MCPH1: variants seen among roughly 807,000 people sequenced by gnomAD.
The protein encoded by MCPH1 is microcephalin.
MCPH1 carries 104 observed loss-of-function variants against 84.5 expected under a neutral mutation model. The ratio of observed to expected loss-of-function variants is 1.23; its 90% CI spans 1.05 to 1.45. The LOEUF is 1.45. Among genes scored for constraint, MCPH1 ranks in the 40% most tolerant of loss-of-function variants. MCPH1 has a pLI of 0.00. For missense variants in MCPH1, 1,498 were observed against 1,005.7 expected (o/e 1.49, Z -6.62); for synonymous variants, 514 against 366.8 (o/e 1.40, Z -4.58).
intron 12 of MCPH1, among the ~76,000 whole-genome samples, chr8:6,582,154 A>G (rs116666249): frequency 0.011 from 1,698 of 152,302 alleles, 34 homozygotes; most frequent in African/African-American, 0.039. Flanking sequence ...AGGGGTCTCA[A>G]GCTGCCTTCA....
intron 3 of MCPH1, among the ~76,000 whole-genome samples, chr8:6,422,713 G>C (rs553927568): frequency 7.9e-5 from 12 of 152,172 alleles, no homozygotes; most frequent in Non-Finnish European, 1.5e-4. Flanking sequence ...TCTGGAGACT[G>C]AGTCTCACTC....
chr8:6,540,807 A>G (rs1284135081), intron 12 of MCPH1, among the ~76,000 whole-genome samples: 1 of 152,260 alleles, frequency 6.6e-6, no homozygotes, highest in African/African-American at 2.4e-5. Context: ...GCCATGCCGA[A>G]CAGGCGCGGG....
intron 12 of MCPH1, among the ~76,000 whole-genome samples, chr8:6,617,907 C>CTATCTATCTA (rs1342485840): frequency 2.2e-4 from 33 of 150,140 alleles, no homozygotes; most frequent in African/African-American, 7.4e-4. Context: ...TCTAATCTAT[C>CTATCTATCTA]TATCTATCTA....
chr8:6,474,392 G>T (rs941141892), intron 9 of MCPH1: 2 of 295,174 alleles, frequency 6.8e-6, no homozygotes, highest in Non-Finnish European at 1.3e-5. Flanking sequence ...AACTCAGGGA[G>T]TCTGTGGGGT....
intron 12 of MCPH1, among the ~76,000 whole-genome samples, chr8:6,556,543 G>T (rs1258839330): frequency 5.3e-5 from 8 of 152,184 alleles, no homozygotes; most frequent in African/African-American, 1.9e-4. Flanking sequence ...GCACATACTA[G>T]CTGCTGCTAC....
At chr8:6,423,128 A>G (rs1800485872) in intron 3 of MCPH1, among the ~76,000 whole-genome samples, 1 of 148,006 alleles carries the variant, frequency 6.8e-6, no homozygotes, top group Non-Finnish European at 1.5e-5. Flanking sequence ...GCAAAAGCAC[A>G]CTTTTAAGGT....
intron 12 of MCPH1, 186 bp from the exon 13 acceptor site, chr8:6,621,268 T>A (rs1376623843): frequency 1.4e-6 from 1 of 713,032 alleles, no homozygotes; most frequent in Admixed American, 2.7e-5. Flanking sequence ...TCAGAAAACG[T>A]CAGTTTTATG....
chr8:6,474,359 A>G (rs1404670680), intron 9 of MCPH1: 3 of 398,274 alleles, frequency 7.5e-6, no homozygotes, highest in South Asian at 2.6e-5. Context: ...ACCAAGTCAG[A>G]ACAAAGTGAC....
chr8:6,564,701 G>A (rs554539162), intron 12 of MCPH1, among the ~76,000 whole-genome samples: 5 of 152,250 alleles, frequency 3.3e-5, no homozygotes, highest in African/African-American at 9.6e-5. Flanking sequence ...AGCTCTAACC[G>A]AAAGACAGCC....
chr8:6,503,755 A>G (rs1029190214), intron 12 of MCPH1, among the ~76,000 whole-genome samples: 10 of 152,192 alleles, frequency 6.6e-5, no homozygotes, highest in African/African-American at 2.2e-4. Context: ...GGAAGTCTCT[A>G]TGTTTCAGAG....
rs1025227269 is a variant in MCPH1, at chr8:6,646,998, A to T, written c.*3949A>T. On this transcript the variant is annotated 3_prime_UTR_variant, in exon 14 of 14. Coordinates refer to ENST00000344683, the MANE Select transcript of MCPH1 (RefSeq NM_024596.5). ...GTTTTGCTCTTCTGAAGAAACCATT[A>T]AAAAAAAATGAAAAGACAAGCCACA... is the stretch of plus-strand genomic sequence containing the variant. The T allele has an allele frequency of 2.0e-5, 3 of 147,394 alleles. No individual in the cohort carries two copies. Among genetic ancestry groups the T allele is most frequent in the South Asian group, 2.1e-4 (1 of 4,802 alleles). 9.1% of individuals were successfully genotyped at this position (147,394 alleles called of 1,614,324 possible). A position where few individuals can be genotyped will look rare whatever the true frequency, so the allele number is the denominator to read the frequency against.
intron 12 of MCPH1, among the ~76,000 whole-genome samples, chr8:6,510,394 T>C (rs1257374202): frequency 2.0e-5 from 3 of 152,318 alleles, no homozygotes; most frequent in East Asian, 1.9e-4. Flanking sequence ...ACCAAGATGA[T>C]GCCCTTCTTT....
chr8:6,455,504 G>T (rs1490724748), intron 9 of MCPH1, among the ~76,000 whole-genome samples: 1 of 152,156 alleles, frequency 6.6e-6, no homozygotes, highest in African/African-American at 2.4e-5. Flanking sequence ...AATGCCTGTA[G>T]CTTCTCTCAA....
rs1252024553 is a variant in MCPH1 at position 6,592,614 on chromosome 8, C to CTTTTTTTTTTTT, written c.2215-28832_2215-28831insTTTTTTTTTTTT. ...GTCATCTAGGCTCTCGTTTTTCTTT[C>CTTTTTTTTTTTT]TTTTTTTTGTTTTTTTTTTTTTTTT... On this transcript the variant is annotated intron_variant, in intron 12 of 13. Transcript: ENST00000344683. Among the ~76,000 whole-genome samples the CTTTTTTTTTTTT allele has an allele frequency of 1.2e-3, 77 of 65,386 alleles. 4 individuals are homozygous for CTTTTTTTTTTTT. The highest frequency in any genetic ancestry group is 1.4e-3 in the Non-Finnish European group (46 of 32,892). The allele number at this position is 65,386 out of a possible 152,430, so 42.9% of individuals were successfully genotyped here.
At chr8:6,513,980 T>C (rs1815719801) in intron 12 of MCPH1, 1 of 843,394 alleles carries the variant, frequency 1.2e-6, no homozygotes, top group Admixed American at 3.0e-5. Context: ...CAATTTAGGG[T>C]CCTTCCCAAA....
chr8:6,472,062 C>A (rs547278325), intron 9 of MCPH1, among the ~76,000 whole-genome samples: 2 of 152,134 alleles, frequency 1.3e-5, no homozygotes, highest in Non-Finnish European at 2.9e-5. Flanking sequence ...GATACAGCAT[C>A]TAGAAACACC....
At chr8:6,512,304 A>G (rs1050689424) in intron 12 of MCPH1, among the ~76,000 whole-genome samples, 38 of 152,138 alleles carry the variant, frequency 2.5e-4, no homozygotes, top group African/African-American at 8.0e-4. Flanking sequence ...GCCCACCACA[A>G]TCCTCCCCTG....
chr8:6,586,027 C>T (rs1454332151), intron 12 of MCPH1, among the ~76,000 whole-genome samples: 1 of 152,224 alleles, frequency 6.6e-6, no homozygotes, highest in East Asian at 1.9e-4. Flanking sequence ...ATGATGTGAA[C>T]ATGGCTCACT....
chr8:6,409,186 C>A (rs1408352129), intron 1 of MCPH1, 93 bp from the exon 2 acceptor site: 17 of 1,088,588 alleles, frequency 1.6e-5, no homozygotes, highest in Non-Finnish European at 2.3e-5. Context: ...GTGCCGGCCT[C>A]GGTTTACTCT....
Sources: gnomAD v4.1 joint callset for allele counts (sites outside exome capture counted in the v4.1 genomes callset) on GRCh38, gnomAD v4.1.1 for gene constraint, MANE v1.5 for transcripts, NCBI Gene and HGNC (gene_info 2026-07-23, HGNC 2026-07-21) for gene names.